MYO1B: variants seen among roughly 807,000 people sequenced by gnomAD.
MYO1B encodes the protein myosin IB, also known as unconventional myosin-Ib.
MYO1B carries 72 observed loss-of-function variants against 159.7 expected under a neutral mutation model. The ratio of observed to expected loss-of-function variants is 0.45; its 90% CI spans 0.37 to 0.55. The LOEUF (loss-of-function observed/expected upper bound fraction) is 0.55. Ranked by LOEUF, MYO1B falls within the 20% of genes least tolerant of loss-of-function variation. The pLI, the probability that MYO1B is intolerant of heterozygous loss-of-function variation, is 0.00. For synonymous variants in MYO1B, 468 were observed against 473.8 expected, an observed-to-expected ratio of 0.99 and a Z score of 0.16; for missense variants, 1,062 against 1,364.8, an observed-to-expected ratio of 0.78 and a Z score of 3.50.
At chr2:191,362,618 A>G (rs1168319523) in intron 9 of MYO1B, among the ~76,000 whole-genome samples, 3 of 152,112 alleles carry the variant, frequency 2.0e-5, no homozygotes, top group Non-Finnish European at 2.9e-5. Flanking sequence ...TTCTTATTCT[A>G]TTATCCTGGG....
At chr2:191,337,124 CT>C (rs760689773) in intron 4 of MYO1B, among the ~76,000 whole-genome samples, 6 of 152,178 alleles carry the variant, frequency 3.9e-5, no homozygotes, top group Non-Finnish European at 7.3e-5. Context: ...CATGTGGAGC[CT>C]GCTCCATTAA....
chr2:191,252,185 A>G (rs999259909), intron 1 of MYO1B, among the ~76,000 whole-genome samples: 1 of 152,234 alleles, frequency 6.6e-6, no homozygotes, highest in Admixed American at 6.5e-5. Context: ...GCTTCTAGTC[A>G]TAATCGGTAG....
At chr2:191,388,722 ACT>A (rs1339416384) in intron 17 of MYO1B, among the ~76,000 whole-genome samples, 3 of 151,724 alleles carry the variant, frequency 2.0e-5, no homozygotes, top group Non-Finnish European at 2.9e-5. Flanking sequence ...TTGCATCTTA[ACT>A]CTATTTTATT....
chr2:191,339,844 C>A (rs1254954978), intron 4 of MYO1B, among the ~76,000 whole-genome samples: 3 of 152,190 alleles, frequency 2.0e-5, no homozygotes, highest in Admixed American at 2.0e-4. Flanking sequence ...TGCGCAAAAG[C>A]CCTCAGGAAT....
At chr2:191,251,299 G>C (rs188814307) in intron 1 of MYO1B, among the ~76,000 whole-genome samples, 1 of 152,230 alleles carries the variant, frequency 6.6e-6, no homozygotes, top group Non-Finnish European at 1.5e-5. Context: ...CCTGGAGCTC[G>C]CTCAGATCTT....
At chr2:191,354,454 G>T (rs1693141639) in intron 7 of MYO1B, among the ~76,000 whole-genome samples, 1 of 151,822 alleles carries the variant, frequency 6.6e-6, no homozygotes, top group Admixed American at 6.6e-5. Context: ...CTAAATGAAT[G>T]CTTTTCCTAA....
Position 191,372,875 on chromosome 2 carries a change from T to C in MYO1B, c.1185+2583T>C, listed in dbSNP as rs560628511. Among the ~76,000 whole-genome samples, 49 of 143,184 alleles carry C rather than the reference T, an allele frequency of 3.4e-4. 1 individual carries two copies. Among genetic ancestry groups the C allele is most frequent in the Admixed American group, 3.1e-3 (41 of 13,094 alleles). The allele number at this position is 143,184 out of a possible 152,430, so 93.9% of individuals were successfully genotyped here. On this transcript the variant is annotated intron_variant, in intron 13 of 30. Transcript: ENST00000392318. Reference sequence around the variant, plus strand: ...AGTTTATGAAAATGCCTGCGTTATATTTCCTTTTTTTTTTTTTTTTTTTTT... The same window carrying C: ...AGTTTATGAAAATGCCTGCGTTATACTTCCTTTTTTTTTTTTTTTTTTTTT...
At chr2:191,370,093 TA>T (rs1184927124) in intron 12 of MYO1B, 133 bp from the exon 13 acceptor site, 20 of 638,360 alleles carry the variant, frequency 3.1e-5, no homozygotes, top group Non-Finnish European at 5.3e-5. Flanking sequence ...ATACATTTTT[TA>T]AAAAACAACT....
intron 1 of MYO1B, among the ~76,000 whole-genome samples, chr2:191,275,954 C>T (rs538429802): frequency 2.0e-5 from 3 of 152,300 alleles, no homozygotes; most frequent in South Asian, 4.2e-4. Flanking sequence ...TGGGGATTAC[C>T]ATTCTGCTGT....
At chr2:191,309,883 A>G (rs967008333) in intron 3 of MYO1B, among the ~76,000 whole-genome samples, 3 of 152,172 alleles carry the variant, frequency 2.0e-5, no homozygotes, top group East Asian at 3.8e-4. Flanking sequence ...TGTCATCTCC[A>G]TGAGCACTTG....
chr2:191,255,095 T>G (rs1032700137), intron 1 of MYO1B, among the ~76,000 whole-genome samples: 5 of 151,798 alleles, frequency 3.3e-5, no homozygotes, highest in African/African-American at 1.2e-4. Flanking sequence ...CCCCACTCAT[T>G]TTTTACATTT....
At chr2:191,264,892 T>C (rs1687038376) in intron 1 of MYO1B, among the ~76,000 whole-genome samples, 1 of 151,934 alleles carries the variant, frequency 6.6e-6, no homozygotes, top group Non-Finnish European at 1.5e-5. Flanking sequence ...GACAAGATCC[T>C]AGGAGATGAT....
At chr2:191,396,558 ATGTCT>A (rs927039930) in intron 21 of MYO1B, 61 bp downstream of exon 21, 81 of 1,545,922 alleles carry the variant, frequency 5.2e-5, no homozygotes, top group Non-Finnish European at 7.1e-5. Flanking sequence ...ACAAAGGATA[ATGTCT>A]TTAGGGTCAC....
At chr2:191,318,689 T>C (rs1435011707) in intron 3 of MYO1B, among the ~76,000 whole-genome samples, 2 of 152,194 alleles carry the variant, frequency 1.3e-5, no homozygotes, top group African/African-American at 4.8e-5. Context: ...ATATATGTAA[T>C]CTGTGTGTGA....
intron 2 of MYO1B, among the ~76,000 whole-genome samples, chr2:191,283,653 A>G (rs1444029412): frequency 6.6e-6 from 1 of 152,216 alleles, no homozygotes; most frequent in Non-Finnish European, 1.5e-5. Context: ...AGGCTAAGTA[A>G]CTGTCCACGA....
rs773167352 is a variant in MYO1B, at chr2:191,390,344, G to C, written c.1834G>C (p.Val612Leu). The C allele has an allele frequency of 6.2e-7, 1 of 1,614,268 alleles. No homozygotes were observed. The highest frequency in any genetic ancestry group is 1.1e-5 in the South Asian group (1 of 91,090). ...AGCACACATCTTCAACGAGGCTCTAGTGTGTCATCAGATCAGGTACCTGGG... is the reference window on the plus strand; with the variant it reads ...AGCACACATCTTCAACGAGGCTCTACTGTGTCATCAGATCAGGTACCTGGG... ...KAAHIFNEAL[V>L]CHQIRYLGLL... Residue 612 changes from valine (V) to leucine (L), a missense_variant, in exon 18 of 31, where the codon GTG becomes CTG. Physicochemically the swap from Val to Leu is conservative, Grantham distance 32 (BLOSUM62 1). This residue lies in a region of MYO1B where 609 missense variants were observed against 744.4 expected (regional missense o/e 0.82). Transcript: ENST00000392318.
intron 3 of MYO1B, among the ~76,000 whole-genome samples, chr2:191,299,112 T>G (rs996222714): frequency 6.6e-6 from 1 of 152,194 alleles, no homozygotes; most frequent in Non-Finnish European, 1.5e-5. Context: ...AGAGAATGTT[T>G]AGAAGTCTAT....
At chr2:191,259,645 A>G (rs1009362311) in intron 1 of MYO1B, among the ~76,000 whole-genome samples, 4 of 152,138 alleles carry the variant, frequency 2.6e-5, no homozygotes, top group East Asian at 3.9e-4. Flanking sequence ...AACCTTTTCT[A>G]TATTTTGAAT....
At chr2:191,264,500 T>G (rs1687010420) in intron 1 of MYO1B, among the ~76,000 whole-genome samples, 1 of 151,910 alleles carries the variant, frequency 6.6e-6, no homozygotes. Context: ...TTTTTTGCTT[T>G]CCTAACTAGG....
Sources: gnomAD v4.1 joint callset for allele counts (sites outside exome capture counted in the v4.1 genomes callset) on GRCh38, gnomAD v4.1.1 for gene constraint, gnomAD v4.1.1 regional missense constraint, MANE v1.5 for transcripts, NCBI Gene and HGNC (gene_info 2026-07-23, HGNC 2026-07-21) for gene names.